Variants in PPP2R5C observed in about 807,000 individuals in gnomAD.
PPP2R5C encodes protein phosphatase 2 regulatory subunit B'gamma, also known as serine/threonine-protein phosphatase 2A 56 kDa regulatory subunit gamma isoform.
In PPP2R5C, 7 loss-of-function variants were observed where a neutral mutation model predicts 68.9. The ratio of observed to expected loss-of-function variants is 0.10; its 90% CI spans 0.06 to 0.19. The LOEUF is 0.19. Among genes scored for constraint, PPP2R5C ranks in the 10% least tolerant of loss-of-function variants. The probability of loss-of-function intolerance (pLI) is 1.00; values close to 1 mark genes in which losing one functional copy is unlikely to be tolerated. For missense variants in PPP2R5C, 348 were observed against 641.3 expected (o/e 0.54, Z 4.94); for synonymous variants, 210 against 222.2 (o/e 0.95, Z 0.49).
At chr14:101,818,921 A>T (rs1039703075) in intron 1 of PPP2R5C, 1 of 1,187,194 alleles carries the variant, frequency 8.4e-7, no homozygotes, top group Non-Finnish European at 1.2e-6. Context: ...TGGTTGTGTT[A>T]CTCATGAGCA....
intron 2 of PPP2R5C, among the ~76,000 whole-genome samples, chr14:101,763,942 C>T (rs1394698696): frequency 6.6e-6 from 1 of 152,206 alleles, no homozygotes; most frequent in African/African-American, 2.4e-5. Context: ...TGGCCTCTTT[C>T]TCCAATAATG....
intron 13 of PPP2R5C, among the ~76,000 whole-genome samples, chr14:101,919,968 T>TC (rs1291259668): frequency 0.16 from 4,208 of 26,040 alleles, 160 homozygotes; most frequent in African/African-American, 0.37. Context: ...AAACTCCGTC[T>TC]CAAAAAAAAA....
Position 101,888,197 on chromosome 14 carries a change from A to C in PPP2R5C, c.630-2040A>C, listed in dbSNP as rs2140937791. ...AGGGGTCTTTGTCTCGGAGAGGCCC[A>C]GATCACAGCTCTCCAAGGTCCATGC... On this transcript the variant is annotated intron_variant, in intron 5 of 13. Transcript: ENST00000334743. This position sits in a 1 kb window ranked among gnomAD's most constrained non-coding sequence, Gnocchi z 5.6. Among the ~76,000 whole-genome samples the C allele has an allele frequency of 6.6e-6, 1 of 152,300 alleles. No individual in the cohort carries two copies. Among genetic ancestry groups the C allele is most frequent in the East Asian group, 1.9e-4 (1 of 5,172 alleles).
In PPP2R5C at chr14:101,883,569, C is replaced by T. The variant is rs376035164; in HGVS notation, c.629+7C>T. On this transcript the variant is annotated splice_region_variant and intron_variant, in intron 5 of 13. Coordinates refer to ENST00000334743, the Ensembl canonical transcript of PPP2R5C. ...TAAATAATATATTTTATAGGTAAGT[C>T]ACGTGTGGATGGCGTTGTCCTTGTG... 6.2e-7 allele frequency: 1 copy of T among 1,611,908 alleles called. No homozygotes were observed. Among genetic ancestry groups the T allele is most frequent in the African/African-American group, 1.3e-5 (1 of 74,870 alleles).
rs34361568 is a variant in PPP2R5C, at chr14:101,859,914, C to CTT, written c.294+3041_294+3042dup. Among the ~76,000 whole-genome samples, 901 of 145,572 alleles carry CTT rather than the reference C, an allele frequency of 6.2e-3. 11 individuals are homozygous for CTT. The highest frequency in any genetic ancestry group is 0.021 in the African/African-American group (842 of 39,852). ...ACAGTTTTAGAGACATTAATTTCCA[C>CTT]TTTTTTTTTTTTTGAAGAATCCAAA... On this transcript the variant is annotated intron_variant, in intron 2 of 13. Coordinates refer to ENST00000334743, the Ensembl canonical transcript of PPP2R5C.
intron 1 of PPP2R5C, chr14:101,823,620 A>G (rs185706088): frequency 4.7e-4 from 162 of 346,826 alleles, no homozygotes; most frequent in African/African-American, 3.4e-3. Context: ...GTAAACAAGT[A>G]TGATTAGTCC....
intron 1 of PPP2R5C, among the ~76,000 whole-genome samples, chr14:101,815,434 T>G (rs2039598732): frequency 6.6e-6 from 1 of 152,164 alleles, no homozygotes; most frequent in African/African-American, 2.4e-5. Flanking sequence ...CGTATGTTCT[T>G]GGTGTGCAGG....
At chr14:101,760,607 A>C, upstream of PPP2R5C, 1 of 709,316 alleles carries the variant, frequency 1.4e-6, no homozygotes, top group Non-Finnish European at 1.7e-6. Flanking sequence ...CCAGGAAAGG[A>C]CGGGACTGTC....
At position 101,912,423 on chromosome 14, in the gene PPP2R5C, C is replaced by T; in HGVS notation, c.1276C>T (p.Arg426Trp). 1 of 1,597,578 alleles carries T rather than the reference C, an allele frequency of 6.3e-7. No homozygotes were observed. Among genetic ancestry groups the T allele is most frequent in the Non-Finnish European group, 8.5e-7 (1 of 1,175,152 alleles). Reference sequence around the variant, plus strand: ...CAGAGAGAAGCTAAAAATGAAAGAACGGGAAGAAGCATGGGTTAAAATAGA... The same window carrying T: ...CAGAGAGAAGCTAAAAATGAAAGAATGGGAAGAAGCATGGGTTAAAATAGA... The change falls in exon 12 of 14, where the codon CGG (arginine) becomes TGG (tryptophan). Residue 426 changes from arginine to tryptophan, a missense_variant. Physicochemically the swap from Arg to Trp is moderately radical, Grantham distance 101. Transcript: ENST00000334743.
chr14:101,881,642 G>T (rs2140889804), intron 2 of PPP2R5C, among the ~76,000 whole-genome samples: 1 of 152,324 alleles, frequency 6.6e-6, no homozygotes, highest in South Asian at 2.1e-4. Flanking sequence ...CCGACTCAAA[G>T]GTCGTCCCAC....
chr14:101,887,951 AG>A (rs2044634206), intron 5 of PPP2R5C, among the ~76,000 whole-genome samples: 1 of 152,176 alleles, frequency 6.6e-6, no homozygotes, highest in African/African-American at 2.4e-5. Context: ...TTTCCCTCCC[AG>A]GGTGTCCCTG....
intron 3 of PPP2R5C, chr14:101,796,899 TA>T (rs975267031): frequency 0.048 from 12,371 of 255,960 alleles, no homozygotes; most frequent in South Asian, 0.092. Flanking sequence ...CGTCCTTATC[TA>T]AAAAAAAAAA....
chr14:101,821,967 T>C (rs1254622319), intron 1 of PPP2R5C, among the ~76,000 whole-genome samples: 1 of 152,132 alleles, frequency 6.6e-6, no homozygotes, highest in Non-Finnish European at 1.5e-5. Flanking sequence ...GACCTGGTCC[T>C]GAGGAGATGT....
intron 1 of PPP2R5C, among the ~76,000 whole-genome samples, chr14:101,821,816 G>A (rs375961640): frequency 5.9e-5 from 9 of 152,110 alleles, no homozygotes; most frequent in East Asian, 1.9e-4. Context: ...GGCCCCCGCA[G>A]CCTGTGCATA....
intron 1 of PPP2R5C, among the ~76,000 whole-genome samples, chr14:101,826,637 C>T (rs1394145028): frequency 1.3e-5 from 2 of 152,076 alleles, no homozygotes; most frequent in East Asian, 1.9e-4. Flanking sequence ...ATATTGGGTC[C>T]ATTTTATTCA....
chr14:101,853,033 G>C (rs777897878), intron 1 of PPP2R5C, among the ~76,000 whole-genome samples: 5 of 152,180 alleles, frequency 3.3e-5, no homozygotes, highest in Non-Finnish European at 5.9e-5. Flanking sequence ...AATACGTAAA[G>C]GTATGAAGCA....
Position 101,879,664 on chromosome 14 carries a change from G to T in PPP2R5C, c.295-2497G>T, listed in dbSNP as rs987761659. ...GCCGGGCCCACAGCTCTAACCCACC[G>T]AAGAACAAAGTGCCATCTCCCTTTC... On this transcript the variant is annotated intron_variant, in intron 2 of 13. Coordinates refer to ENST00000334743, the Ensembl canonical transcript of PPP2R5C. This position sits in a 1 kb window ranked among gnomAD's most constrained non-coding sequence, Gnocchi z 4.2. 6.6e-6 allele frequency among the ~76,000 whole-genome samples: 1 copy of T among 152,162 alleles called. No individual in the cohort carries two copies.
intron 2 of PPP2R5C, among the ~76,000 whole-genome samples, chr14:101,769,076 G>A (rs61993984): frequency 0.11 from 17,142 of 152,134 alleles, 1,060 homozygotes; most frequent in East Asian, 0.17. Context: ...CACCTGCCTC[G>A]GCCTCCCAAA....
At chr14:101,811,888 A>T (rs2039384491) in intron 1 of PPP2R5C, among the ~76,000 whole-genome samples, 1 of 151,804 alleles carries the variant, frequency 6.6e-6, no homozygotes, top group African/African-American at 2.4e-5. Flanking sequence ...CCAAGACCTT[A>T]TTATGGCCAG....
Sources: allele counts gnomAD v4.1 joint callset (sites outside exome capture counted in the v4.1 genomes callset), GRCh38; gene constraint gnomAD v4.1.1; non-coding constraint Gnocchi (gnomAD v3.1); transcripts MANE v1.5; gene names NCBI Gene and HGNC (gene_info 2026-07-23, HGNC 2026-07-21).